Variants in MARF1 observed in about 807,000 individuals in gnomAD.
MARF1 encodes the protein limkain-b1.
A neutral mutation model predicts 168.2 loss-of-function variants in MARF1; 24 were observed. The observed-to-expected ratio is 0.14, with a 90% CI of 0.10 to 0.20. MARF1 has a LOEUF of 0.20. Among genes scored for constraint, MARF1 ranks in the 10% least tolerant of loss-of-function variants. The pLI, the probability that MARF1 is intolerant of heterozygous loss-of-function variation, is 1.00. For synonymous variants in MARF1, 868 were observed against 822.4 expected (o/e 1.06, Z -0.95); for missense variants, 1,744 against 2,143.6 (o/e 0.81, Z 3.68).
Position 15,608,430 on chromosome 16 carries a change from C to T in MARF1, c.4043G>A (p.Arg1348Gln). Residue 1348 changes from arginine to glutamine, a missense_variant, in exon 21 of 27, where the codon CGG (arginine) becomes CAG (glutamine). By Grantham distance (43) the Arg-to-Gln change is conservative. Coordinates refer to ENST00000396368, the MANE Select transcript of MARF1 (RefSeq NM_014647.4). ...CATAAGGCAGTTATCTTTTTGGGAC[C>T]GAAGGAGTTTAACAAACTGGGCAGC... is the stretch of plus-strand genomic sequence containing the variant. ...ALAAQFVKLL[R>Q]SQKDNCLMMT... The T allele has an allele frequency of 6.2e-7, 1 of 1,614,034 alleles. No homozygotes were observed. Among genetic ancestry groups the T allele is most frequent in the Non-Finnish European group, 8.5e-7 (1 of 1,179,982 alleles).
rs755612946 is a variant in MARF1 at position 15,636,085 on chromosome 16, T to C, written c.402A>G (p.Ala134=). Residue 134 remains alanine (A), a synonymous_variant, in exon 3 of 27, where the codon GCA becomes GCG. Coordinates refer to ENST00000396368, the MANE Select transcript of MARF1 (RefSeq NM_014647.4). ...TCCTGGTGCTTTGCGAGTCTAACAG[T>C]GCGCCCGGGTGAATCAAGCTACTGG... ...GGTSSLIHPG[A]LLDSQSTRTI... is the part of the protein sequence containing the mutation. 8.1e-6 allele frequency: 13 copies of C among 1,614,114 alleles called. No individual in the cohort carries two copies. Among genetic ancestry groups the C allele is most frequent in the East Asian group, 2.2e-5 (1 of 44,896 alleles).
rs1165709567 is a variant in MARF1, at chr16:15,635,859, G to A, written c.628C>T (p.His210Tyr). 1.2e-6 allele frequency: 2 copies of A among 1,614,102 alleles called. No homozygotes were observed. Among genetic ancestry groups the A allele is most frequent in the Non-Finnish European group, 1.7e-6 (2 of 1,180,050 alleles). ...QSCHGNVHKLHQFPSLQGCTS... is the reference protein window; with the variant it reads ...QSCHGNVHKLYQFPSLQGCTS... ...CAGCCCTGCAGACTCGGAAACTGAT[G>A]CAGCTTGTGCACATTACCATGACAT... Residue 210 changes from histidine (H) to tyrosine (Y), a missense_variant, in exon 3 of 27, where the codon CAT becomes TAT. Physicochemically the swap from His to Tyr is moderately conservative, Grantham distance 83. This residue lies in a region of MARF1 where 318 missense variants were observed against 336.6 expected (regional missense o/e 0.94). Transcript: ENST00000396368.
Position 15,611,202 on chromosome 16 carries a change from T to C in MARF1, c.3618-94A>G, listed in dbSNP as rs185453617. ...GGCCGGGCGCTGGGGCTCACGCCTG[T>C]AATCCCAGCACTTTGGGAGGCCGAG... On this transcript the variant is annotated intron_variant, in intron 18 of 26. Coordinates refer to ENST00000396368, the MANE Select transcript of MARF1 (RefSeq NM_014647.4). 432 of 1,240,092 alleles carry C rather than the reference T, an allele frequency of 3.5e-4. 3 individuals are homozygous for C. The East Asian group carries it at 9.9e-3, about 28-fold the overall frequency. 76.8% of individuals were successfully genotyped at this position (1,240,092 alleles called of 1,614,324 possible).
rs71375044 is a variant in MARF1, at chr16:15,623,274, C to CTTTTTT, written c.2271-157_2271-152dup. 387 of 119,192 alleles carry CTTTTTT rather than the reference C, an allele frequency of 3.2e-3. 5 individuals carry two copies. The highest frequency in any genetic ancestry group is 3.7e-3 in the African/African-American group (84 of 22,872). 7.4% of individuals were successfully genotyped at this position (119,192 alleles called of 1,614,324 possible). A position where few individuals can be genotyped will look rare whatever the true frequency, so the allele number is the denominator to read the frequency against. On this transcript the variant is annotated intron_variant, in intron 10 of 26. Transcript: ENST00000396368. ...TTTGGTTTTCAAATGTGTTTTTAAT[C>CTTTTTT]TTTTTTTTTTTTTTTTTTTTTTTGA...
chr16:15,621,957 C>T lies in MARF1; in HGVS notation c.2461-46G>A, dbSNP rs1298202378. 1.9e-6 allele frequency: 3 copies of T among 1,572,782 alleles called. No homozygotes were observed. The Admixed American group carries it at 5.5e-5, about 29-fold the overall frequency. On this transcript the variant is annotated intron_variant, in intron 11 of 26. Coordinates refer to ENST00000396368, the MANE Select transcript of MARF1 (RefSeq NM_014647.4). ...ACTAAACGCTATGTCCGCCCAGAACCCTGTCGTCTTAAAACTGAAGGTGAA... is the reference window on the plus strand; with the variant it reads ...ACTAAACGCTATGTCCGCCCAGAACTCTGTCGTCTTAAAACTGAAGGTGAA...
In MARF1 at chr16:15,596,512, A is replaced by G. The variant is rs1024451119; in HGVS notation, c.*181T>C. On this transcript the variant is annotated 3_prime_UTR_variant, in exon 27 of 27. Transcript: ENST00000396368. The stretch of plus-strand genomic sequence containing the variant: ...AAGAAAGAAAAAGGAAGAAGAAAAG[A>G]AAGACTTCAGCTCAAAGCTGTGTTC... 3 of 475,342 alleles carry G rather than the reference A, an allele frequency of 6.3e-6. No individual in the cohort carries two copies. The highest frequency in any genetic ancestry group is 2.0e-5 in the African/African-American group (1 of 49,950). 29.4% of individuals were successfully genotyped at this position (475,342 alleles called of 1,614,324 possible). A position where few individuals can be genotyped will look rare whatever the true frequency, so the allele number is the denominator to read the frequency against.
chr16:15,619,890 G>A (rs372521641), intron 13 of MARF1, among the ~76,000 whole-genome samples: 2 of 152,178 alleles, frequency 1.3e-5, no homozygotes, highest in Admixed American at 6.5e-5. Context: ...TTGGCCAGGC[G>A]CAGTGGCTCA....
Position 15,631,507 on chromosome 16 carries a change from A to G in MARF1, c.1234-9T>C, listed in dbSNP as rs1408781794. 1 of 1,586,120 alleles carries G rather than the reference A, an allele frequency of 6.3e-7. No individual in the cohort carries two copies. The highest frequency in any genetic ancestry group is 1.7e-5 in the Admixed American group (1 of 59,814). ...ATGTGGGCAACGGTTACCTGCATTA[A>G]TTTATAATAAGGGTGAATAAGCAGG... is the stretch of plus-strand genomic sequence containing the variant. On this transcript the variant is annotated splice_polypyrimidine_tract_variant and intron_variant, in intron 5 of 26. Coordinates refer to ENST00000396368, the MANE Select transcript of MARF1 (RefSeq NM_014647.4).
chr16:15,612,516 C>G (rs373187066), intron 17 of MARF1, 41 bp downstream of exon 17: 577 of 1,538,256 alleles, frequency 3.8e-4, no homozygotes, highest in Non-Finnish European at 5.0e-4. Flanking sequence ...CATGGAGGAA[C>G]ATTCCTGCCT....
At chr16:15,603,029 C>A (rs2032661529) in intron 22 of MARF1, among the ~76,000 whole-genome samples, 1 of 152,208 alleles carries the variant, frequency 6.6e-6, no homozygotes, top group Non-Finnish European at 1.5e-5. Flanking sequence ...AAAGGATATT[C>A]CCAATCTTAG....
At chr16:15,611,363 G>A (rs890775006) in intron 18 of MARF1, among the ~76,000 whole-genome samples, 3 of 149,916 alleles carry the variant, frequency 2.0e-5, no homozygotes, top group African/African-American at 7.3e-5. Context: ...GGAGGCTGAG[G>A]CAGGACAACG....
At chr16:15,629,594 A>C (rs1567578735) in intron 7 of MARF1, among the ~76,000 whole-genome samples, 1 of 152,230 alleles carries the variant, frequency 6.6e-6, no homozygotes, top group Non-Finnish European at 1.5e-5. Flanking sequence ...CATTTAACGT[A>C]TGGGATTGCC....
intron 17 of MARF1, 43 bp from the exon 18 acceptor site, chr16:15,611,777 G>A: frequency 6.4e-7 from 1 of 1,565,482 alleles, no homozygotes; most frequent in Non-Finnish European, 8.7e-7. Context: ...GACCTCAGCA[G>A]ACAGCGACTT....
chr16:15,596,900 A>G lies in MARF1; in HGVS notation c.5022T>C (p.Ile1674=), dbSNP rs373380439. 8.8e-5 allele frequency: 142 copies of G among 1,610,326 alleles called. No individual in the cohort carries two copies. Among genetic ancestry groups the G allele is most frequent in the Non-Finnish European group, 1.2e-4 (137 of 1,177,760 alleles). Residue 1674 remains isoleucine (I), a synonymous_variant, in exon 27 of 27, where the codon ATT becomes ATC. Transcript: ENST00000396368. The part of the protein sequence containing the change: ...MILNQEEKME[I]PIPGKSKTLT... ...GAGTTTTGCTCTTTCCTGGTATTGG[A>G]ATCTCCATTTTTTCTTCTTGGTTTA...
chr16:15,638,197 C>G (rs1187936248), intron 2 of MARF1, among the ~76,000 whole-genome samples: 2 of 151,888 alleles, frequency 1.3e-5, no homozygotes, highest in Non-Finnish European at 2.9e-5. Flanking sequence ...TTGTTAATAC[C>G]CTTATATAAA....
At position 15,639,081 on chromosome 16, in the gene MARF1, T is replaced by C. The variant is rs979369317; in HGVS notation, c.144+9A>G. ...AATCTGCTACATCCTTAGTCTTGCATATAGTTACCGTTTGGGGACTATGTG... is the reference window on the plus strand; with the variant it reads ...AATCTGCTACATCCTTAGTCTTGCACATAGTTACCGTTTGGGGACTATGTG... On this transcript the variant is annotated intron_variant, in intron 2 of 26. Transcript: ENST00000396368. The C allele has an allele frequency of 4.3e-6, 7 of 1,612,644 alleles. No individual in the cohort carries two copies. Among genetic ancestry groups the C allele is most frequent in the Admixed American group, 1.7e-5 (1 of 59,690 alleles).
chr16:15,607,629 T>C (rs1290314939), intron 21 of MARF1, among the ~76,000 whole-genome samples: 2 of 152,332 alleles, frequency 1.3e-5, no homozygotes, highest in East Asian at 3.9e-4. Context: ...CAGAAATGTG[T>C]GCAGCTAGTA....
In MARF1 at chr16:15,609,713, T is replaced by A; in HGVS notation, c.3764A>T (p.Asp1255Val). 1 of 1,613,978 alleles carries A rather than the reference T, an allele frequency of 6.2e-7. No individual in the cohort carries two copies. The highest frequency in any genetic ancestry group is 8.5e-7 in the Non-Finnish European group (1 of 1,179,940). ...ICIPKRERTQ[D>V]EIERTKQFSK... ...GAACTGTTTTGTCCTTTCTATTTCA[T>A]CCTGAGTGCGTTCTTTTAAAAAAAC... Residue 1255 changes from aspartate (D) to valine (V), a missense_variant, in exon 20 of 27, where the codon GAT becomes GTT. Coordinates refer to ENST00000396368, the MANE Select transcript of MARF1 (RefSeq NM_014647.4).
intron 25 of MARF1, chr16:15,599,310 G>C (rs953902169): frequency 1.6e-5 from 7 of 447,728 alleles, no homozygotes; most frequent in Non-Finnish European, 2.8e-5. Context: ...CCTGCAGTCA[G>C]CTTCCAAAGA....
Sources: allele counts gnomAD v4.1 joint callset (sites outside exome capture counted in the v4.1 genomes callset), GRCh38; gene constraint gnomAD v4.1.1; regional missense constraint gnomAD v4.1.1; transcripts MANE v1.5; gene names NCBI Gene and HGNC (gene_info 2026-07-23, HGNC 2026-07-21).